Variants in CDK14 observed in about 807,000 individuals in gnomAD.
CDK14 encodes cyclin dependent kinase 14.
CDK14 carries 34 observed loss-of-function variants against 60.7 expected under a neutral mutation model. That is an observed-to-expected ratio of 0.56 (90% confidence interval 0.43 to 0.75). The LOEUF is 0.75. CDK14 is among the 30% of genes least tolerant of loss of function. CDK14 has a pLI of 0.00. For missense variants in CDK14, 482 were observed against 564.1 expected (o/e 0.85, Z 1.47); for synonymous variants, 197 against 203.7 (o/e 0.97, Z 0.28).
At chr7:90,667,719 GC>G (rs1207225781) in intron 2 of CDK14, among the ~76,000 whole-genome samples, 2 of 151,924 alleles carry the variant, frequency 1.3e-5, no homozygotes, top group East Asian at 1.9e-4. Context: ...ATAGGCGCCT[GC>G]CACCACGCCC....
At chr7:90,799,305 G>A (rs570377920) in intron 5 of CDK14, among the ~76,000 whole-genome samples, 1 of 152,238 alleles carries the variant, frequency 6.6e-6, no homozygotes, top group East Asian at 1.9e-4. Context: ...TCTAAGGTAG[G>A]TACTATCATT....
intron 2 of CDK14, chr7:90,709,433 A>G (rs1801979699): frequency 6.1e-6 from 9 of 1,481,594 alleles, no homozygotes; most frequent in Non-Finnish European, 8.1e-6. Context: ...CTCCTATGCA[A>G]TCACCATTAG....
intron 14 of CDK14, among the ~76,000 whole-genome samples, chr7:91,199,335 A>T (rs977562706): frequency 1.7e-4 from 23 of 133,738 alleles, no homozygotes; most frequent in East Asian, 3.9e-4. Flanking sequence ...TTTTTTTATT[A>T]AAAAAAAAGA....
chr7:90,982,573 C>T (rs141289063), intron 9 of CDK14, among the ~76,000 whole-genome samples: 2 of 152,108 alleles, frequency 1.3e-5, no homozygotes, highest in East Asian at 3.8e-4. Flanking sequence ...CACTGAATGT[C>T]TAGAGACTAC....
intron 2 of CDK14, among the ~76,000 whole-genome samples, chr7:90,610,924 C>T (rs1458356145): frequency 1.3e-5 from 2 of 152,122 alleles, no homozygotes; most frequent in Non-Finnish European, 2.9e-5. Flanking sequence ...TAATACCCTC[C>T]AACTTCTTAG....
At chr7:90,649,235 A>AGTTTCTTTCTTTGTTTCTTTGTTTCTTT (rs1800534680) in intron 2 of CDK14, among the ~76,000 whole-genome samples, 1 of 118,886 alleles carries the variant, frequency 8.4e-6, no homozygotes, top group East Asian at 4.4e-4. Flanking sequence ...TCTAGCCTAT[A>AGTTTCTTTCTTTGTTTCTTTGTTTCTTT]GTTTCTTTCT....
intron 5 of CDK14, among the ~76,000 whole-genome samples, chr7:90,854,929 C>G (rs1463495137): frequency 6.6e-6 from 1 of 152,104 alleles, no homozygotes; most frequent in Admixed American, 6.5e-5. Context: ...TTTCCTTTCC[C>G]CAGAAGTTAC....
At chr7:91,105,205 T>C (rs936989347) in intron 12 of CDK14, among the ~76,000 whole-genome samples, 1 of 152,188 alleles carries the variant, frequency 6.6e-6, no homozygotes, top group African/African-American at 2.4e-5. Flanking sequence ...TGCCCTGAAG[T>C]TGTTCTCTAA....
chr7:90,668,023 T>C (rs1801020719), intron 2 of CDK14, among the ~76,000 whole-genome samples: 1 of 152,256 alleles, frequency 6.6e-6, no homozygotes, highest in South Asian at 2.1e-4. Flanking sequence ...CATGTTGATG[T>C]ATGTTTTAAT....
chr7:90,865,341 CAA>C (rs1287015483), intron 6 of CDK14, among the ~76,000 whole-genome samples: 2 of 152,058 alleles, frequency 1.3e-5, no homozygotes, highest in Non-Finnish European at 2.9e-5. Context: ...TTGCCCAGTT[CAA>C]AAATAACTTC....
intron 4 of CDK14, among the ~76,000 whole-genome samples, chr7:90,777,702 C>G (rs1805108714): frequency 6.6e-6 from 1 of 152,172 alleles, no homozygotes. Flanking sequence ...GGCAGCTGTG[C>G]CGAGCAGCAG....
At chr7:91,108,550 T>G (rs1799378749) in intron 12 of CDK14, among the ~76,000 whole-genome samples, 1 of 152,216 alleles carries the variant, frequency 6.6e-6, no homozygotes, top group Non-Finnish European at 1.5e-5. Flanking sequence ...AGTCTATGCC[T>G]TCTGTGATTT....
chr7:91,066,918 G>A (rs929154529), intron 11 of CDK14, among the ~76,000 whole-genome samples: 3 of 152,196 alleles, frequency 2.0e-5, no homozygotes, highest in Admixed American at 2.0e-4. Context: ...AAATCAGCCT[G>A]CAGGTTCAAA....
intron 10 of CDK14, among the ~76,000 whole-genome samples, chr7:91,005,333 G>A (rs930204458): frequency 2.6e-5 from 4 of 152,216 alleles, no homozygotes; most frequent in African/African-American, 9.7e-5. Flanking sequence ...ATCCTTCCTC[G>A]TTCAGGGTCC....
chr7:91,139,288 C>T (rs1800373278), intron 14 of CDK14, among the ~76,000 whole-genome samples: 1 of 151,848 alleles, frequency 6.6e-6, no homozygotes, highest in African/African-American at 2.4e-5. Context: ...GTGGAGTAGA[C>T]TAAACGGGAA....
chr7:90,985,192 C>T (rs897221724), intron 10 of CDK14, among the ~76,000 whole-genome samples: 1 of 152,112 alleles, frequency 6.6e-6, no homozygotes, highest in Non-Finnish European at 1.5e-5. Flanking sequence ...CTTATTTAAA[C>T]TTTTGAAAAT....
At chr7:90,692,374 T>C (rs750853739) in intron 2 of CDK14, among the ~76,000 whole-genome samples, 1 of 152,232 alleles carries the variant, frequency 6.6e-6, no homozygotes, top group Non-Finnish European at 1.5e-5. Flanking sequence ...CAAAATGATA[T>C]CACAGTTGCC....
At chr7:90,996,154 A>G (rs1302974590) in intron 10 of CDK14, among the ~76,000 whole-genome samples, 1 of 152,190 alleles carries the variant, frequency 6.6e-6, no homozygotes, top group East Asian at 1.9e-4. Context: ...TCAGGTGACT[A>G]TTATTAGAAT....
At chr7:90,780,035 TA>T (rs1562766138) in intron 4 of CDK14, among the ~76,000 whole-genome samples, 1 of 152,202 alleles carries the variant, frequency 6.6e-6, no homozygotes, top group African/African-American at 2.4e-5. Flanking sequence ...GGATTTTCCT[TA>T]TTGTTTCCTA....
Sources: allele counts gnomAD v4.1 joint callset (sites outside exome capture counted in the v4.1 genomes callset), GRCh38; gene constraint gnomAD v4.1.1; transcripts MANE v1.5; gene names NCBI Gene and HGNC (gene_info 2026-07-23, HGNC 2026-07-21).